The following BTBD9 variants were observed in gnomAD, a reference collection of about 807,000 sequenced individuals.
BTBD9 encodes the protein BTB domain containing 9, also known as BTB/POZ domain-containing protein 9.
BTBD9 carries 49 observed loss-of-function variants against 64.3 expected under a neutral mutation model. The observed-to-expected ratio is 0.76, with a 90% CI of 0.61 to 0.97. The LOEUF is 0.97. Among genes scored for constraint, BTBD9 ranks in the 50% least tolerant of loss-of-function variants. The probability of loss-of-function intolerance (pLI) is 0.00; values close to 1 mark genes in which losing one functional copy is unlikely to be tolerated. For missense variants in BTBD9, 598 were observed against 762.1 expected (o/e 0.78, Z 2.53); for synonymous variants, 260 against 274.7 (o/e 0.95, Z 0.53).
At chr6:38,414,286 C>CA (rs1767567690) in intron 6 of BTBD9, among the ~76,000 whole-genome samples, 1 of 152,150 alleles carries the variant, frequency 6.6e-6, no homozygotes, top group Admixed American at 6.5e-5. Flanking sequence ...GGAAGACATC[C>CA]ATAACTACTG....
chr6:38,578,944 G>A (rs1776172803), intron 5 of BTBD9, among the ~76,000 whole-genome samples: 1 of 152,064 alleles, frequency 6.6e-6, no homozygotes, highest in Non-Finnish European at 1.5e-5. Context: ...AGTTAAATGA[G>A]TGAAATACGT....
At chr6:38,383,500 T>C (rs1378569840) in intron 6 of BTBD9, among the ~76,000 whole-genome samples, 1 of 152,160 alleles carries the variant, frequency 6.6e-6, no homozygotes, top group Non-Finnish European at 1.5e-5. Context: ...TTCAACTGCA[T>C]TTCTATACAT....
chr6:38,372,815 C>T (rs1765478275), intron 6 of BTBD9, among the ~76,000 whole-genome samples: 2 of 152,168 alleles, frequency 1.3e-5, no homozygotes, highest in African/African-American at 4.8e-5. Context: ...AAATGCCTTC[C>T]ATTCCAACCA....
intron 6 of BTBD9, among the ~76,000 whole-genome samples, chr6:38,565,778 A>C (rs145275014): frequency 2.0e-5 from 3 of 152,356 alleles, no homozygotes; most frequent in Non-Finnish European, 2.9e-5. Context: ...GATGATTATA[A>C]TACTTTGACC....
At chr6:38,264,742 G>A (rs1764911901) in intron 8 of BTBD9, among the ~76,000 whole-genome samples, 1 of 152,202 alleles carries the variant, frequency 6.6e-6, no homozygotes, top group Admixed American at 6.5e-5. Flanking sequence ...GCTGGAGGAC[G>A]CTGAGTCCAA....
chr6:38,474,226 T>C, intron 6 of BTBD9, among the ~76,000 whole-genome samples: 1 of 152,144 alleles, frequency 6.6e-6, no homozygotes, highest in Non-Finnish European at 1.5e-5. Flanking sequence ...ATTGCAGTAG[T>C]TCTGGAAAGA....
At chr6:38,513,773 T>G (rs1454710032) in intron 6 of BTBD9, among the ~76,000 whole-genome samples, 2 of 152,268 alleles carry the variant, frequency 1.3e-5, no homozygotes, top group East Asian at 3.9e-4. Context: ...GTGGCTTTTT[T>G]GGGGAATCAG....
intron 7 of BTBD9, among the ~76,000 whole-genome samples, chr6:38,319,038 A>G (rs951704486): frequency 1.3e-5 from 2 of 152,148 alleles, no homozygotes; most frequent in African/African-American, 2.4e-5. Context: ...CATGTCCATT[A>G]CCACCACAAG....
intron 6 of BTBD9, among the ~76,000 whole-genome samples, chr6:38,463,990 C>T (rs1360907678): frequency 1.3e-5 from 2 of 152,128 alleles, no homozygotes; most frequent in East Asian, 3.9e-4. Flanking sequence ...TGAGATCCCA[C>T]CACTGCACTC....
rs558495522 is a variant in BTBD9 at position 38,278,312 on chromosome 6, A to G, written c.1454+9960T>C. Among the ~76,000 whole-genome samples the G allele has an allele frequency of 3.3e-5, 5 of 152,362 alleles. No individual in the cohort carries two copies. The South Asian group carries it at 6.2e-4, about 19-fold the overall frequency. On this transcript the variant is annotated intron_variant, in intron 8 of 10. Coordinates refer to ENST00000481247, the MANE Select transcript of BTBD9 (RefSeq NM_001099272.2). Reference sequence around the variant, plus strand: ...AAAACAAACAAACAAAACAAAAAATAAAACTGAAAAAACAAGTCTTTCTTA... The same window carrying G: ...AAAACAAACAAACAAAACAAAAAATGAAACTGAAAAAACAAGTCTTTCTTA...
intron 6 of BTBD9, among the ~76,000 whole-genome samples, chr6:38,549,285 G>A (rs1774691597): frequency 6.6e-6 from 1 of 152,186 alleles, no homozygotes; most frequent in Non-Finnish European, 1.5e-5. Flanking sequence ...CAGCTATTAT[G>A]GTTAAATAGA....
chr6:38,392,266 C>T (rs1290922848), intron 6 of BTBD9, among the ~76,000 whole-genome samples: 2 of 151,286 alleles, frequency 1.3e-5, no homozygotes, highest in South Asian at 2.1e-4. Flanking sequence ...AAAGGGAATG[C>T]TTTAAAAAAA....
At chr6:38,225,722 C>A (rs923678472) in intron 9 of BTBD9, among the ~76,000 whole-genome samples, 4 of 152,188 alleles carry the variant, frequency 2.6e-5, no homozygotes, top group Admixed American at 2.6e-4. Flanking sequence ...ACTTAACCAG[C>A]CAGGCAAGGG....
chr6:38,196,882 C>A (rs1327790466), intron 9 of BTBD9, among the ~76,000 whole-genome samples: 1 of 152,048 alleles, frequency 6.6e-6, no homozygotes, highest in African/African-American at 2.4e-5. Context: ...TCAATTTAAC[C>A]CATAATGAAG....
intron 9 of BTBD9, among the ~76,000 whole-genome samples, chr6:38,219,246 C>CA (rs928912933): frequency 1.3e-5 from 2 of 151,078 alleles, no homozygotes; most frequent in Non-Finnish European, 2.9e-5. Flanking sequence ...ACAATTCCCC[C>CA]ACCTCAGCCT....
At position 38,396,676 on chromosome 6, in the gene BTBD9, T is replaced by G. The variant is rs191440409; in HGVS notation, c.1155-51583A>C. Among the ~76,000 whole-genome samples, 130 of 152,318 alleles carry G rather than the reference T, an allele frequency of 8.5e-4. 2 individuals carry two copies. In the South Asian group the frequency reaches 0.017, roughly 20 times the overall value. ...CTACAGCTGTTAATGCCTACTGCAG[T>G]AGTCACTGCCCACAGTTACCTATTT... On this transcript the variant is annotated intron_variant, in intron 6 of 10. Transcript: ENST00000481247.
At chr6:38,385,337 C>G (rs1343562803) in intron 6 of BTBD9, among the ~76,000 whole-genome samples, 1 of 151,464 alleles carries the variant, frequency 6.6e-6, no homozygotes, top group African/African-American at 2.4e-5. Context: ...TTACAGGTGC[C>G]TGGCACCACA....
chr6:38,418,689 T>C (rs990912412), intron 6 of BTBD9, among the ~76,000 whole-genome samples: 1 of 152,246 alleles, frequency 6.6e-6, no homozygotes, highest in Non-Finnish European at 1.5e-5. Flanking sequence ...CCCACAGCTA[T>C]ACTGTGTATC....
At chr6:38,633,243 T>C (rs1778420361) in intron 1 of BTBD9, among the ~76,000 whole-genome samples, 1 of 152,200 alleles carries the variant, frequency 6.6e-6, no homozygotes, top group Admixed American at 6.5e-5. Flanking sequence ...CATAAGGAAT[T>C]GGCATGAAGT....
Sources: allele counts gnomAD v4.1 joint callset (sites outside exome capture counted in the v4.1 genomes callset), GRCh38; gene constraint gnomAD v4.1.1; transcripts MANE v1.5; gene names NCBI Gene and HGNC (gene_info 2026-07-23, HGNC 2026-07-21).